The following CDH12 variants were observed in gnomAD, a reference collection of about 807,000 sequenced individuals.
The protein encoded by CDH12 is cadherin-12.
A neutral mutation model predicts 74.1 loss-of-function variants in CDH12; 41 were observed. The observed-to-expected ratio is 0.55, with a 90% CI of 0.43 to 0.72. CDH12 has a LOEUF of 0.72. Among genes scored for constraint, CDH12 ranks in the 30% least tolerant of loss-of-function variants. The pLI, the probability that CDH12 is intolerant of heterozygous loss-of-function variation, is 0.00. For missense variants in CDH12, 945 were observed against 977.2 expected (o/e 0.97, Z 0.44); for synonymous variants, 399 against 355.0 (o/e 1.12, Z -1.39).
At chr5:21,776,084 C>T (rs1215611472) in intron 11 of CDH12, among the ~76,000 whole-genome samples, 1 of 152,218 alleles carries the variant, frequency 6.6e-6, no homozygotes, top group Non-Finnish European at 1.5e-5. Context: ...AGCTGACTTT[C>T]ATCTTGCTGG....
At chr5:22,740,374 A>T (rs1054568966) in intron 1 of CDH12, among the ~76,000 whole-genome samples, 1 of 152,098 alleles carries the variant, frequency 6.6e-6, no homozygotes, top group Non-Finnish European at 1.5e-5. Flanking sequence ...TAGACACATG[A>T]TCATGTATTT....
chr5:22,188,195 C>G (rs921791116), intron 4 of CDH12, among the ~76,000 whole-genome samples: 2 of 151,910 alleles, frequency 1.3e-5, no homozygotes, highest in African/African-American at 4.8e-5. Context: ...TTCCCACTCT[C>G]ACAAGACTGG....
chr5:22,773,858 T>C (rs974358921), intron 1 of CDH12, among the ~76,000 whole-genome samples: 3 of 152,036 alleles, frequency 2.0e-5, no homozygotes, highest in Non-Finnish European at 4.4e-5. Context: ...TGGAAGAAGA[T>C]ATACAAACAG....
At chr5:22,032,657 G>A (rs955857542) in intron 5 of CDH12, among the ~76,000 whole-genome samples, 10 of 150,120 alleles carry the variant, frequency 6.7e-5, no homozygotes, top group South Asian at 2.1e-4. Flanking sequence ...GCAGTGAGCC[G>A]AGATCGTGCC....
At position 22,648,200 on chromosome 5, in the gene CDH12, C is replaced by T. The variant is rs1190730309; in HGVS notation, c.-522-142836G>A. 4.6e-5 allele frequency among the ~76,000 whole-genome samples: 7 copies of T among 151,846 alleles called. 1 individual carries two copies. The highest frequency in any genetic ancestry group is 1.4e-4 in the African/African-American group (6 of 41,474). ...CTCCCTCCACAAGCGTTGGCAATTC[C>T]AACACATCTAATTTGAATATTTTCT... On this transcript the variant is annotated intron_variant, in intron 1 of 14. Transcript: ENST00000382254.
At chr5:22,760,867 C>T (rs568331571) in intron 1 of CDH12, among the ~76,000 whole-genome samples, 13 of 152,096 alleles carry the variant, frequency 8.5e-5, no homozygotes, top group South Asian at 2.1e-4. Flanking sequence ...TGATCCTATA[C>T]GTCTGCAACA....
chr5:22,606,509 C>A (rs984164309), intron 1 of CDH12, among the ~76,000 whole-genome samples: 1 of 152,090 alleles, frequency 6.6e-6, no homozygotes, highest in Admixed American at 6.6e-5. Context: ...TGAGTTCTCA[C>A]GAGATCTGAT....
At chr5:22,415,134 A>G (rs552572885) in intron 2 of CDH12, among the ~76,000 whole-genome samples, 116 of 152,320 alleles carry the variant, frequency 7.6e-4, no homozygotes, top group Non-Finnish European at 1.5e-3. Context: ...ATGTTTAGAT[A>G]TTTGTATTCA....
rs1431304193 is a variant in CDH12, at chr5:22,737,941, A to T, written c.-523+115117T>A. On this transcript the variant is annotated intron_variant, in intron 1 of 14. Transcript: ENST00000382254. ...TTTGTCCAGTTCTTCATAAAATGAG[A>T]CACTTTTGAGAGTGGGGTAAGGGGT... Among the ~76,000 whole-genome samples the T allele has an allele frequency of 4.6e-5, 7 of 152,028 alleles. 1 individual carries two copies. Among genetic ancestry groups the T allele is most frequent in the Admixed American group, 4.6e-4 (7 of 15,230 alleles).
intron 2 of CDH12, among the ~76,000 whole-genome samples, chr5:22,451,402 C>A (rs562248880): frequency 6.6e-6 from 1 of 151,820 alleles, no homozygotes; most frequent in African/African-American, 2.4e-5. Flanking sequence ...CCCAGCAATG[C>A]GAGGATGGTT....
At position 22,190,277 on chromosome 5, in the gene CDH12, A is replaced by C. The variant is rs552278638; in HGVS notation, c.-187+22221T>G. ...CACTACATATAGACACACAATTTTCATTTTTCAAGTACATTTTACAGTGAT... is the reference window on the plus strand; with the variant it reads ...CACTACATATAGACACACAATTTTCCTTTTTCAAGTACATTTTACAGTGAT... On this transcript the variant is annotated intron_variant, in intron 4 of 14. Transcript: ENST00000382254. Among the ~76,000 whole-genome samples, 12 of 152,006 alleles carry C rather than the reference A, an allele frequency of 7.9e-5. 1 individual carries two copies. In the South Asian group the frequency reaches 2.5e-3, roughly 32 times the overall value.
At chr5:22,554,390 G>A (rs1280072585) in intron 1 of CDH12, among the ~76,000 whole-genome samples, 1 of 152,098 alleles carries the variant, frequency 6.6e-6, no homozygotes, top group East Asian at 1.9e-4. Context: ...TAATGAGGGA[G>A]GCTATGAATG....
At chr5:21,878,178 G>T (rs1752039767) in intron 6 of CDH12, among the ~76,000 whole-genome samples, 2 of 152,086 alleles carry the variant, frequency 1.3e-5, no homozygotes, top group East Asian at 1.9e-4. Flanking sequence ...TCATATTAAG[G>T]TTTTGTTTCT....
chr5:21,939,794 C>G (rs1755248890), intron 6 of CDH12, among the ~76,000 whole-genome samples: 1 of 152,090 alleles, frequency 6.6e-6, no homozygotes, highest in Non-Finnish European at 1.5e-5. Flanking sequence ...AACTTTATTC[C>G]TTCTTTGGAC....
intron 13 of CDH12, among the ~76,000 whole-genome samples, chr5:21,757,024 G>A (rs1744436440): frequency 6.6e-6 from 1 of 152,128 alleles, no homozygotes; most frequent in African/African-American, 2.4e-5. Context: ...AAAGGAACAG[G>A]CTAGGAATAA....
chr5:22,804,023 A>C lies in CDH12; in HGVS notation c.-523+49035T>G, dbSNP rs149594804. Among the ~76,000 whole-genome samples the C allele has an allele frequency of 5.9e-3, 903 of 152,332 alleles. 7 individuals carry two copies. The highest frequency in any genetic ancestry group is 0.02 in the African/African-American group (849 of 41,574). On this transcript the variant is annotated intron_variant, in intron 1 of 14. Coordinates refer to ENST00000382254, the MANE Select transcript of CDH12 (RefSeq NM_004061.5). ...ACTGTTTAAAACATATTTAAATAAA[A>C]AATGAAAGACCCGCTTGCATATTTT...
intron 1 of CDH12, among the ~76,000 whole-genome samples, chr5:22,784,705 G>A (rs1252149248): frequency 5.3e-5 from 8 of 151,956 alleles, no homozygotes. Context: ...CTCCATTATT[G>A]TATTTTCCTG....
chr5:22,533,206 G>A (rs775180038), intron 1 of CDH12, among the ~76,000 whole-genome samples: 5 of 152,030 alleles, frequency 3.3e-5, no homozygotes, highest in Admixed American at 6.6e-5. Context: ...ATAACTGGAC[G>A]AAGGGCACTC....
chr5:22,341,726 A>T (rs551926169), intron 3 of CDH12, among the ~76,000 whole-genome samples: 1 of 152,192 alleles, frequency 6.6e-6, no homozygotes, highest in Admixed American at 6.5e-5. Context: ...CATTATATCA[A>T]ATATTTTGTA....
Sources: allele counts gnomAD v4.1 joint callset (sites outside exome capture counted in the v4.1 genomes callset), GRCh38; gene constraint gnomAD v4.1.1; transcripts MANE v1.5; gene names NCBI Gene and HGNC (gene_info 2026-07-23, HGNC 2026-07-21).